The following NAALADL2 variants were observed in gnomAD, a reference collection of about 807,000 sequenced individuals.
NAALADL2 encodes inactive N-acetylated-alpha-linked acidic dipeptidase-like protein 2.
A neutral mutation model predicts 87.2 loss-of-function variants in NAALADL2; 76 were observed. The observed-to-expected ratio is 0.87, with a 90% CI of 0.72 to 1.05. The LOEUF (loss-of-function observed/expected upper bound fraction) is 1.05. Ranked by LOEUF, NAALADL2 falls within the 50% of genes least tolerant of loss-of-function variation. The pLI is 0.00. For synonymous variants in NAALADL2, 354 were observed against 331.0 expected (o/e 1.07, Z -0.75); for missense variants, 1,089 against 945.8 (o/e 1.15, Z -1.99).
At chr3:174,926,866 A>C (rs1376539609) in intron 1 of NAALADL2, among the ~76,000 whole-genome samples, 1 of 152,188 alleles carries the variant, frequency 6.6e-6, no homozygotes, top group Non-Finnish European at 1.5e-5. Context: ...TATGAACCTT[A>C]AATGTAAATG....
intron 2 of NAALADL2, among the ~76,000 whole-genome samples, chr3:174,639,506 CA>C (rs1722966283): frequency 6.6e-6 from 1 of 152,148 alleles, no homozygotes; most frequent in African/African-American, 2.4e-5. Flanking sequence ...TACATCGCTG[CA>C]AAAGCTACAA....
chr3:175,352,494 T>C (rs534322106), intron 5 of NAALADL2, among the ~76,000 whole-genome samples: 1 of 152,296 alleles, frequency 6.6e-6, no homozygotes, highest in East Asian at 1.9e-4. Context: ...TTCCTTCAAG[T>C]TTCTTACCTT....
intron 3 of NAALADL2, among the ~76,000 whole-genome samples, chr3:174,799,269 A>G (rs1410225027): frequency 6.6e-6 from 1 of 152,060 alleles, no homozygotes; most frequent in East Asian, 1.9e-4. Flanking sequence ...TACAATGTTG[A>G]ATAGAAGTGA....
intron 1 of NAALADL2, among the ~76,000 whole-genome samples, chr3:174,930,639 T>TTTTTTTTTTTTTA (rs1491176602): frequency 7.3e-6 from 1 of 136,264 alleles, no homozygotes; most frequent in African/African-American, 2.7e-5. Flanking sequence ...TTTTTTTTTT[T>TTTTTTTTTTTTTA]GAGACAGAGT....
In NAALADL2 at chr3:175,401,622, T is replaced by C. The variant is rs1043988250; in HGVS notation, c.1091-45607T>C. Reference sequence around the variant, plus strand: ...ACAAACCTGTACCTGTAAGACATGTTACTGTACTGAACATTACAGGAAATT... The same window carrying C: ...ACAAACCTGTACCTGTAAGACATGTCACTGTACTGAACATTACAGGAAATT... On this transcript the variant is annotated intron_variant, in intron 5 of 13. Coordinates refer to ENST00000454872, the MANE Select transcript of NAALADL2 (RefSeq NM_207015.3). Among the ~76,000 whole-genome samples, 7 of 152,272 alleles carry C rather than the reference T, an allele frequency of 4.6e-5. No homozygotes were observed. In the South Asian group the frequency reaches 1.5e-3, roughly 32 times the overall value.
chr3:175,379,696 C>T (rs1294906311), intron 5 of NAALADL2, among the ~76,000 whole-genome samples: 1 of 151,986 alleles, frequency 6.6e-6, no homozygotes, highest in Admixed American at 6.6e-5. Flanking sequence ...TGAGCCACCA[C>T]ACCTGGCCCA....
intron 9 of NAALADL2, among the ~76,000 whole-genome samples, chr3:175,530,749 C>T (rs1330805155): frequency 2.0e-5 from 3 of 152,118 alleles, no homozygotes; most frequent in South Asian, 2.1e-4. Flanking sequence ...AGGACCTGCT[C>T]GAGATCCATC....
At chr3:175,259,649 G>A (rs563780428) in intron 4 of NAALADL2, among the ~76,000 whole-genome samples, 48 of 152,216 alleles carry the variant, frequency 3.2e-4, no homozygotes, top group East Asian at 1.3e-3. Flanking sequence ...CTACTTTTCC[G>A]TTATATTTTG....
intron 5 of NAALADL2, among the ~76,000 whole-genome samples, chr3:175,373,297 T>C (rs1334053915): frequency 1.3e-5 from 2 of 152,156 alleles, no homozygotes; most frequent in African/African-American, 4.8e-5. Flanking sequence ...CAAAAATTTA[T>C]CTTATGTTCC....
chr3:174,584,099 A>G (rs1008060524), intron 2 of NAALADL2, among the ~76,000 whole-genome samples: 2 of 152,184 alleles, frequency 1.3e-5, no homozygotes, highest in African/African-American at 4.8e-5. Context: ...GGATGCTAAC[A>G]GGCTAAGATA....
chr3:174,644,708 A>T (rs1723602840), intron 2 of NAALADL2, among the ~76,000 whole-genome samples: 1 of 152,206 alleles, frequency 6.6e-6, no homozygotes, highest in Non-Finnish European at 1.5e-5. Context: ...TTTTTGTCTT[A>T]TGAGTTGCAG....
intron 1 of NAALADL2, among the ~76,000 whole-genome samples, chr3:175,092,227 A>G (rs967768206): frequency 3.9e-5 from 6 of 151,910 alleles, no homozygotes; most frequent in Middle Eastern, 3.2e-3. Flanking sequence ...AGTATTATGC[A>G]TAATTTTATG....
chr3:174,939,137 T>G (rs891768512), intron 1 of NAALADL2, among the ~76,000 whole-genome samples: 7 of 152,182 alleles, frequency 4.6e-5, no homozygotes, highest in Admixed American at 1.3e-4. Context: ...TTTTATAGTT[T>G]GGGATTTTAC....
At chr3:175,106,839 T>G (rs1038575742) in intron 2 of NAALADL2, among the ~76,000 whole-genome samples, 2 of 152,070 alleles carry the variant, frequency 1.3e-5, no homozygotes, top group African/African-American at 4.8e-5. Context: ...AACCATTAAT[T>G]CCATAATCTC....
At chr3:175,273,590 G>T (rs549443451) in intron 4 of NAALADL2, among the ~76,000 whole-genome samples, 1 of 151,692 alleles carries the variant, frequency 6.6e-6, no homozygotes, top group Non-Finnish European at 1.5e-5. Flanking sequence ...TTAATTCTTC[G>T]ATTTTAAGAT....
At chr3:175,764,730 G>A (rs531043026) in intron 13 of NAALADL2, among the ~76,000 whole-genome samples, 15 of 152,146 alleles carry the variant, frequency 9.9e-5, no homozygotes, top group Admixed American at 3.3e-4. Context: ...GAAATGAGAC[G>A]GAACTATTAA....
At chr3:174,911,093 C>T (rs1002421941) in intron 1 of NAALADL2, among the ~76,000 whole-genome samples, 6 of 152,066 alleles carry the variant, frequency 3.9e-5, no homozygotes, top group Non-Finnish European at 1.5e-5. Context: ...TTGCCATCCC[C>T]CAAAAGTCCT....
chr3:175,578,529 C>G (rs761540708), intron 10 of NAALADL2, among the ~76,000 whole-genome samples: 1 of 152,160 alleles, frequency 6.6e-6, no homozygotes, highest in Non-Finnish European at 1.5e-5. Context: ...TTTTATACCC[C>G]TTATATCATT....
At chr3:174,625,280 A>G (rs1054499523) in intron 2 of NAALADL2, among the ~76,000 whole-genome samples, 1 of 151,444 alleles carries the variant, frequency 6.6e-6, no homozygotes. Flanking sequence ...CTGGTCTCCA[A>G]CTCCTGTGCT....
Sources: gnomAD v4.1 joint callset for allele counts (sites outside exome capture counted in the v4.1 genomes callset) on GRCh38, gnomAD v4.1.1 for gene constraint, MANE v1.5 for transcripts, NCBI Gene and HGNC (gene_info 2026-07-23, HGNC 2026-07-21) for gene names.